The following LRRC8C variants were observed in gnomAD, a reference collection of about 807,000 sequenced individuals.
The protein encoded by LRRC8C is volume-regulated anion channel subunit LRRC8C.
Under a neutral mutation model 55.3 loss-of-function variants are expected in LRRC8C, and 20 were observed. The observed-to-expected ratio is 0.36, with a 90% CI of 0.25 to 0.53. The LOEUF (loss-of-function observed/expected upper bound fraction) is 0.53. LRRC8C is among the 20% of genes least tolerant of loss of function. The pLI is 0.92. For synonymous variants in LRRC8C, 376 were observed against 360.7 expected (o/e 1.04, Z -0.48); for missense variants, 659 against 951.4 (o/e 0.69, Z 4.04).
chr1:89,686,093 A>C (rs1023090663), intron 1 of LRRC8C, among the ~76,000 whole-genome samples: 1 of 151,818 alleles, frequency 6.6e-6, no homozygotes, highest in Non-Finnish European at 1.5e-5. Flanking sequence ...CCAAGATGGT[A>C]AGATAAACAG....
At chr1:89,654,413 T>C (rs1024229633) in intron 1 of LRRC8C, among the ~76,000 whole-genome samples, 1 of 152,070 alleles carries the variant, frequency 6.6e-6, no homozygotes, top group Non-Finnish European at 1.5e-5. Context: ...TTTAAATTTA[T>C]ACAAAAAAAA....
Position 89,713,062 on chromosome 1 carries a change from G to A in LRRC8C, c.492G>A (p.Lys164=). Reference sequence around the variant, plus strand: ...AACATTTCATCTCCATTCTGGGGAAGTGTTTTGACTCTCCTTGGACCACAC... The same window carrying A: ...AACATTTCATCTCCATTCTGGGGAAATGTTTTGACTCTCCTTGGACCACAC... ...KIEHFISILG[K]CFDSPWTTRA... is the part of the protein sequence containing the mutation. The change falls in exon 3 of 3, where the codon AAG becomes AAA. Residue 164 remains lysine, a synonymous_variant. Transcript: ENST00000370454. This position sits in a 1 kb window ranked among gnomAD's most constrained non-coding sequence, Gnocchi z 5.2. 1 of 1,614,232 alleles carries A rather than the reference G, an allele frequency of 6.2e-7. No individual in the cohort carries two copies. The highest frequency in any genetic ancestry group is 1.3e-5 in the African/African-American group (1 of 75,066).
At chr1:89,698,588 A>G (rs1236890214) in intron 2 of LRRC8C, among the ~76,000 whole-genome samples, 2 of 152,156 alleles carry the variant, frequency 1.3e-5, no homozygotes, top group Non-Finnish European at 2.9e-5. Context: ...TTAATTATGT[A>G]TTAATAAAAC....
chr1:89,671,731 G>A (rs1024273648), intron 1 of LRRC8C, among the ~76,000 whole-genome samples: 3 of 152,186 alleles, frequency 2.0e-5, no homozygotes, highest in Admixed American at 2.0e-4. Context: ...AATTAATGTG[G>A]AGGCATTGTG....
chr1:89,656,072 A>G lies in LRRC8C; in HGVS notation c.-5+22750A>G, dbSNP rs28650497. ...CTGCCATCTTACAGCGAGAGGTACA[A>G]AGAGCACAGGGACATTGTAGTAGCT... On this transcript the variant is annotated intron_variant, in intron 1 of 2. Coordinates refer to ENST00000370454, the MANE Select transcript of LRRC8C (RefSeq NM_032270.5). Among the ~76,000 whole-genome samples the G allele has an allele frequency of 8.5e-3, 1,293 of 152,368 alleles. 16 individuals carry two copies. The highest frequency in any genetic ancestry group is 0.03 in the African/African-American group (1,242 of 41,584).
intron 1 of LRRC8C, among the ~76,000 whole-genome samples, chr1:89,674,142 T>C (rs114105269): frequency 0.019 from 2,944 of 152,348 alleles, 92 homozygotes; most frequent in African/African-American, 0.066. Flanking sequence ...ATAGGTTTTT[T>C]ATCTTTTTAA....
intron 1 of LRRC8C, among the ~76,000 whole-genome samples, chr1:89,666,770 G>T (rs914211254): frequency 6.6e-6 from 1 of 152,074 alleles, no homozygotes; most frequent in African/African-American, 2.4e-5. Context: ...CATTTCATTG[G>T]TTCAGCAATT....
At chr1:89,674,636 C>A (rs780173043) in intron 1 of LRRC8C, among the ~76,000 whole-genome samples, 2 of 152,078 alleles carry the variant, frequency 1.3e-5, no homozygotes, top group Non-Finnish European at 2.9e-5. Context: ...GAAATTTTTC[C>A]TTCCATCACA....
chr1:89,678,944 G>T (rs1657627273), intron 1 of LRRC8C, among the ~76,000 whole-genome samples: 1 of 152,188 alleles, frequency 6.6e-6, no homozygotes, highest in East Asian at 1.9e-4. Context: ...GTGTCTAGTG[G>T]ATATCCAAGA....
rs35427989 is a variant in LRRC8C, at chr1:89,693,646, C to CTTTTTTTT, written c.138+7057_138+7064dup. Among the ~76,000 whole-genome samples the CTTTTTTTT allele has an allele frequency of 4.8e-5, 4 of 82,702 alleles. 1 individual carries two copies. Among genetic ancestry groups the CTTTTTTTT allele is most frequent in the African/African-American group, 1.1e-4 (2 of 18,244 alleles). 54.3% of individuals were successfully genotyped at this position (82,702 alleles called of 152,430 possible). ...GTTCCTTTTCTTTTATCTTTTCTTC[C>CTTTTTTTT]TTTTTTTTTTTTTTTTTTTTTTTTT... On this transcript the variant is annotated intron_variant, in intron 2 of 2. Transcript: ENST00000370454.
intron 2 of LRRC8C, among the ~76,000 whole-genome samples, chr1:89,708,098 C>T (rs12087296): frequency 6.6e-6 from 1 of 151,600 alleles, no homozygotes; most frequent in African/African-American, 2.4e-5. Context: ...CTTCTCCCCC[C>T]AGTTTCTTCC....
At chr1:89,678,508 C>T (rs1437276266) in intron 1 of LRRC8C, among the ~76,000 whole-genome samples, 1 of 152,116 alleles carries the variant, frequency 6.6e-6, no homozygotes, top group East Asian at 1.9e-4. Context: ...CAAGACCAGC[C>T]TGACCATCAT....
chr1:89,711,607 T>G, intron 2 of LRRC8C, among the ~76,000 whole-genome samples: 1 of 152,252 alleles, frequency 6.6e-6, no homozygotes, highest in Non-Finnish European at 1.5e-5. Context: ...ATGATTCGTC[T>G]AGGTTTATTC....
At chr1:89,665,165 C>G (rs187635882) in intron 1 of LRRC8C, among the ~76,000 whole-genome samples, 2 of 152,158 alleles carry the variant, frequency 1.3e-5, no homozygotes, top group Non-Finnish European at 2.9e-5. Context: ...TCCGATACTA[C>G]GTTGAATAGG....
At chr1:89,629,235 AAC>A (rs1263145195), upstream of LRRC8C, among the ~76,000 whole-genome samples, 1 of 152,232 alleles carries the variant, frequency 6.6e-6, no homozygotes, top group Admixed American at 6.5e-5. Flanking sequence ...TAATGGTTGC[AAC>A]AGTCTAAACA....
chr1:89,666,114 A>G (rs1428477730), intron 1 of LRRC8C, among the ~76,000 whole-genome samples: 1 of 152,184 alleles, frequency 6.6e-6, no homozygotes, highest in Non-Finnish European at 1.5e-5. Flanking sequence ...TGCGTTTCTC[A>G]GAACGTATCC....
chr1:89,666,969 G>A (rs771259453), intron 1 of LRRC8C, among the ~76,000 whole-genome samples: 9 of 152,088 alleles, frequency 5.9e-5, no homozygotes, highest in Non-Finnish European at 1.2e-4. Flanking sequence ...AGCAACTTAG[G>A]GAATGAAAAA....
intron 1 of LRRC8C, among the ~76,000 whole-genome samples, chr1:89,640,682 A>G (rs746110067): frequency 1.3e-5 from 2 of 152,222 alleles, no homozygotes; most frequent in Admixed American, 1.3e-4. Flanking sequence ...TATGTGGACA[A>G]CTGTGACCAG....
chr1:89,711,880 C>G lies in LRRC8C; in HGVS notation c.139-829C>G, dbSNP rs76317499. ...AGGAAGAGTTTTTATAAAAGCTTAGCAAAATTTCCATTAAATTCATTCATA... is the reference window on the plus strand; with the variant it reads ...AGGAAGAGTTTTTATAAAAGCTTAGGAAAATTTCCATTAAATTCATTCATA... On this transcript the variant is annotated intron_variant, in intron 2 of 2. Transcript: ENST00000370454. Among the ~76,000 whole-genome samples, 22 of 152,242 alleles carry G rather than the reference C, an allele frequency of 1.4e-4. No homozygotes were observed. In the East Asian group the frequency reaches 4.1e-3, roughly 28 times the overall value.
Sources: gnomAD v4.1 joint callset for allele counts (sites outside exome capture counted in the v4.1 genomes callset) on GRCh38, gnomAD v4.1.1 for gene constraint, Gnocchi (gnomAD v3.1) non-coding constraint, MANE v1.5 for transcripts, NCBI Gene and HGNC (gene_info 2026-07-23, HGNC 2026-07-21) for gene names.